CASK: variants seen among roughly 807,000 people sequenced by gnomAD.
CASK encodes peripheral plasma membrane protein CASK.
Under a neutral mutation model 82.9 loss-of-function variants are expected in CASK, and 4 were observed. The observed-to-expected ratio is 0.05, with a 90% CI of 0.02 to 0.11. CASK has a LOEUF of 0.11. Ranked by LOEUF, CASK falls within the 10% of genes least tolerant of loss-of-function variation. The pLI is 1.00. For synonymous variants in CASK, 259 were observed against 253.5 expected (o/e 1.02, Z -0.20); for missense variants, 358 against 720.9 (o/e 0.50, Z 5.76).
At chrX:41,887,633 T>C (rs1347000982) in intron 1 of CASK, among the ~76,000 whole-genome samples, 1 of 111,306 alleles carries the variant, frequency 9.0e-6, no homozygotes, top group Non-Finnish European at 1.9e-5. Flanking sequence ...ACTTTTTTCT[T>C]TTAATGTATC....
At chrX:41,630,910 T>C (rs1434009411) in intron 9 of CASK, among the ~76,000 whole-genome samples, 1 of 112,036 alleles carries the variant, frequency 8.9e-6, no homozygotes, top group East Asian at 2.8e-4. Flanking sequence ...AATTAGGTCC[T>C]AGATGATAAT....
At chrX:41,582,847 C>T (rs758912525) in intron 14 of CASK, among the ~76,000 whole-genome samples, 45 of 111,916 alleles carry the variant, frequency 4.0e-4, no homozygotes, top group Non-Finnish European at 5.6e-5. Flanking sequence ...AAGCAGCTCC[C>T]ACTTTACTAT....
At position 41,803,274 on chromosome X, in the gene CASK, A is replaced by C. The variant is rs139979581; in HGVS notation, c.173-15991T>G. On this transcript the variant is annotated intron_variant, in intron 2 of 26. Transcript: ENST00000378163. ...AGTTTAGTGGGACAGCCTAGGGATA[A>C]ATTAGCAATAATACATAAAATAACA... 1.2e-3 allele frequency among the ~76,000 whole-genome samples: 138 copies of C among 111,538 alleles called. 2 individuals are homozygous for C. Among genetic ancestry groups the C allele is most frequent in the African/African-American group, 4.4e-3 (134 of 30,647 alleles).
At chrX:41,697,442 T>G (rs1235777778) in intron 5 of CASK, among the ~76,000 whole-genome samples, 1 of 112,254 alleles carries the variant, frequency 8.9e-6, no homozygotes, top group Non-Finnish European at 1.9e-5. Flanking sequence ...AGCCACAGTT[T>G]GATAAAGTAA....
At chrX:41,535,247 A>G (rs1405205973) in intron 22 of CASK, among the ~76,000 whole-genome samples, 2 of 111,437 alleles carry the variant, frequency 1.8e-5, no homozygotes, top group African/African-American at 3.3e-5. Flanking sequence ...AAGATACTAC[A>G]TATCTTTTCA....
chrX:41,763,648 T>A (rs1018906373), intron 3 of CASK, among the ~76,000 whole-genome samples: 2 of 111,201 alleles, frequency 1.8e-5, no homozygotes, highest in African/African-American at 6.5e-5. Flanking sequence ...GGAGACAGAG[T>A]GGGACCCTGT....
intron 1 of CASK, among the ~76,000 whole-genome samples, chrX:41,909,014 T>C (rs1033609117): frequency 1.8e-5 from 2 of 112,211 alleles, no homozygotes; most frequent in Admixed American, 9.4e-5. Flanking sequence ...CCATGGACCA[T>C]AGTTTACTGA....
chrX:41,648,374 A>G (rs1399255011), intron 8 of CASK, among the ~76,000 whole-genome samples: 1 of 111,127 alleles, frequency 9.0e-6, no homozygotes, highest in African/African-American at 3.3e-5. Context: ...AGCAATTTTA[A>G]TTTCGCCTCA....
At chrX:41,689,574 A>G (rs1164438751) in intron 5 of CASK, among the ~76,000 whole-genome samples, 2 of 111,839 alleles carry the variant, frequency 1.8e-5, no homozygotes, top group African/African-American at 6.5e-5. Flanking sequence ...TTTCAGAAGT[A>G]AATAAGGTGA....
chrX:41,523,963 T>C lies in CASK; in HGVS notation c.2592A>G (p.Pro864=), dbSNP rs1381277639. The change falls in exon 26 of 27, where the codon CCA becomes CCG. Residue 864 remains proline, a synonymous_variant. Coordinates refer to ENST00000378163, the MANE Select transcript of CASK (RefSeq NM_001367721.1). The part of the protein sequence containing the change: ...VVFIAAPTIT[P]GLNEDESLQR... The stretch of plus-strand genomic sequence containing the variant: ...GATTGATTCTTACCTCATTTAAACC[T>C]GGAGTAATAGTTGGTGCAGCAATGA... 8.4e-7 allele frequency: 1 copy of C among 1,193,527 alleles called. No individual in the cohort carries two copies. The highest frequency in any genetic ancestry group is 1.8e-5 in the African/African-American group (1 of 56,263).
intron 6 of CASK, among the ~76,000 whole-genome samples, chrX:41,669,184 C>T (rs2067160928): frequency 9.0e-6 from 1 of 111,537 alleles, no homozygotes; most frequent in Non-Finnish European, 1.9e-5. Flanking sequence ...AATATTTTGA[C>T]CATCAGGAAG....
At position 41,732,801 on chromosome X, in the gene CASK, G is replaced by A. The variant is rs146917815; in HGVS notation, c.429+6583C>T. Among the ~76,000 whole-genome samples the A allele has an allele frequency of 6.4e-3, 692 of 107,770 alleles. 9 individuals are homozygous for A. The highest frequency in any genetic ancestry group is 0.023 in the African/African-American group (663 of 29,445). The allele number at this position is 107,770 out of a possible 115,157, so 93.6% of individuals were successfully genotyped here. On this transcript the variant is annotated intron_variant, in intron 5 of 26. Coordinates refer to ENST00000378163, the MANE Select transcript of CASK (RefSeq NM_001367721.1). ...GCTGGAGTGCAGTGATACAATCACA[G>A]CTCATTACAGCTTCAACCTCCTGGG...
intron 25 of CASK, among the ~76,000 whole-genome samples, chrX:41,530,625 A>G (rs1299459845): frequency 5.3e-5 from 6 of 112,310 alleles, no homozygotes; most frequent in African/African-American, 1.9e-4. Context: ...AGAGGCTCTG[A>G]TGGTCCAGCG....
rs764259332 is a variant in CASK at position 41,520,891 on chromosome X, G to T, written c.2605-295C>A. ...CCCCCACTCAGGCCTAGCTGTGCCT[G>T]TCCCCAGAGTCAGGCTTGGTAGGGC... On this transcript the variant is annotated intron_variant, in intron 26 of 26. Coordinates refer to ENST00000378163, the MANE Select transcript of CASK (RefSeq NM_001367721.1). Among the ~76,000 whole-genome samples, 4 of 112,288 alleles carry T rather than the reference G, an allele frequency of 3.6e-5. No individual in the cohort carries two copies. In the East Asian group the frequency reaches 1.1e-3, roughly 31 times the overall value.
rs1360955953 is a variant in CASK at position 41,545,934 on chromosome X, G to A, written c.2040-3128C>T. Among the ~76,000 whole-genome samples the A allele has an allele frequency of 9.2e-5, 10 of 108,118 alleles. No individual in the cohort carries two copies. The Admixed American group carries it at 1.0e-3, about 11-fold the overall frequency. The allele number at this position is 108,118 out of a possible 115,157, so 93.9% of individuals were successfully genotyped here. A position where few individuals can be genotyped will look rare whatever the true frequency, so the allele number is the denominator to read the frequency against. On this transcript the variant is annotated intron_variant, in intron 21 of 26. Transcript: ENST00000378163. Reference sequence around the variant, plus strand: ...CCTCCTGGGTGCAAGTGATCCTTCCGCCTCAGCTTCCTAAGTAGCGGACTA... The same window carrying A: ...CCTCCTGGGTGCAAGTGATCCTTCCACCTCAGCTTCCTAAGTAGCGGACTA...
intron 5 of CASK, among the ~76,000 whole-genome samples, chrX:41,699,103 T>G (rs900022876): frequency 2.7e-5 from 3 of 110,192 alleles, no homozygotes; most frequent in African/African-American, 9.9e-5. Flanking sequence ...TTTTGTATTT[T>G]TAGTAGAGAC....
chrX:41,885,543 A>G (rs1389438801), intron 1 of CASK, among the ~76,000 whole-genome samples: 1 of 112,402 alleles, frequency 8.9e-6, no homozygotes, highest in Non-Finnish European at 1.9e-5. Flanking sequence ...TATATAAAAT[A>G]AGTGTTAACA....
chrX:41,739,317 C>A, intron 5 of CASK, 67 bp downstream of exon 5: 1 of 705,491 alleles, frequency 1.4e-6, no homozygotes, highest in Non-Finnish European at 2.2e-6. Flanking sequence ...AAGAAGAATT[C>A]TTGATTATCA....
At chrX:41,630,643 A>T (rs1221868870) in intron 9 of CASK, among the ~76,000 whole-genome samples, 2 of 112,044 alleles carry the variant, frequency 1.8e-5, no homozygotes, top group Admixed American at 1.9e-4. Flanking sequence ...CTAAATAACA[A>T]GGTAATATAT....
Sources: gnomAD v4.1 joint callset for allele counts (sites outside exome capture counted in the v4.1 genomes callset) on GRCh38, gnomAD v4.1.1 for gene constraint, MANE v1.5 for transcripts, NCBI Gene and HGNC (gene_info 2026-07-23, HGNC 2026-07-21) for gene names.